Variants in ANO6 observed in about 807,000 individuals in gnomAD.
ANO6 encodes anoctamin-6.
ANO6 carries 106 observed loss-of-function variants against 117.5 expected under a neutral mutation model. The observed-to-expected ratio is 0.90, with a 90% CI of 0.77 to 1.06. The LOEUF (loss-of-function observed/expected upper bound fraction) is 1.06, where lower values mean the gene tolerates loss of function less well. ANO6 is among the 50% of genes least tolerant of loss of function. The pLI is 0.00. For synonymous variants in ANO6, 367 were observed against 385.1 expected, an observed-to-expected ratio of 0.95 and a Z score of 0.55; for missense variants, 955 against 1,121.1, an observed-to-expected ratio of 0.85 and a Z score of 2.12.
chr12:45,302,156 G>GA, intron 2 of ANO6, 63 bp downstream of exon 2: 1 of 1,468,934 alleles, frequency 6.8e-7, no homozygotes, highest in Non-Finnish European at 9.5e-7. Flanking sequence ...CACAAAATGA[G>GA]AAAAAAGTTC....
intron 13 of ANO6, 115 bp downstream of exon 13, chr12:45,402,135 T>A (rs1854259040): frequency 2.3e-6 from 2 of 875,582 alleles, no homozygotes; most frequent in African/African-American, 3.4e-5. Flanking sequence ...TTTAGAAATT[T>A]TCAAGTGTAA....
At chr12:45,368,853 C>A (rs914375736) in intron 9 of ANO6, among the ~76,000 whole-genome samples, 1 of 152,128 alleles carries the variant, frequency 6.6e-6, no homozygotes, top group African/African-American at 2.4e-5. Context: ...CTTATACTTA[C>A]CACTTTTGAC....
intron 2 of ANO6, among the ~76,000 whole-genome samples, chr12:45,304,057 G>A (rs1049931402): frequency 1.3e-5 from 2 of 152,118 alleles, no homozygotes; most frequent in Non-Finnish European, 2.9e-5. Context: ...CTTGTGCTTC[G>A]TAGATTTTCA....
At position 45,216,305 on chromosome 12, in the gene ANO6, C is replaced by T. The variant is rs1473793043; in HGVS notation, c.-17C>T. 6.2e-7 allele frequency: 1 copy of T among 1,601,236 alleles called. No homozygotes were observed. Among genetic ancestry groups the T allele is most frequent in the South Asian group, 1.1e-5 (1 of 88,906 alleles). Reference sequence around the variant, plus strand: ...CCCAACTTCGCGCCAAGTTCGGAGCCGCCTTCTGAGGGAGACATGAAAAAG... The same window carrying T: ...CCCAACTTCGCGCCAAGTTCGGAGCTGCCTTCTGAGGGAGACATGAAAAAG... On this transcript the variant is annotated 5_prime_UTR_variant, in exon 1 of 20. Coordinates refer to ENST00000320560, the MANE Select transcript of ANO6 (RefSeq NM_001025356.3).
chr12:45,336,124 T>C (rs1029772972), intron 3 of ANO6, among the ~76,000 whole-genome samples: 6 of 152,034 alleles, frequency 3.9e-5, no homozygotes, highest in African/African-American at 1.4e-4. Flanking sequence ...ACATTTTTGA[T>C]AGATTTCTTT....
intron 2 of ANO6, among the ~76,000 whole-genome samples, chr12:45,322,901 T>A (rs1158179809): frequency 2.0e-5 from 3 of 152,170 alleles, no homozygotes; most frequent in Admixed American, 6.6e-5. Flanking sequence ...ATCAGAATGC[T>A]TCCTTTTTTC....
chr12:45,277,417 G>C (rs899717942), intron 1 of ANO6, among the ~76,000 whole-genome samples: 1 of 152,062 alleles, frequency 6.6e-6, no homozygotes. Flanking sequence ...TTCATCCTTT[G>C]GGGGAGATTC....
At chr12:45,233,421 T>C (rs1267640942) in intron 1 of ANO6, among the ~76,000 whole-genome samples, 1 of 152,198 alleles carries the variant, frequency 6.6e-6, no homozygotes, top group Non-Finnish European at 1.5e-5. Flanking sequence ...CTGTGACTTA[T>C]TTTTCTGTGT....
chr12:45,331,481 C>T (rs2137401270), intron 3 of ANO6, 58 bp downstream of exon 3: 2 of 1,464,666 alleles, frequency 1.4e-6, no homozygotes, highest in Non-Finnish European at 1.9e-6. Flanking sequence ...CATGAAAAAA[C>T]TGCTATTTTG....
Position 45,367,787 on chromosome 12 carries a change from C to A in ANO6, c.1098C>A (p.Ser366=), listed in dbSNP as rs1353053446. The A allele has an allele frequency of 1.2e-6, 2 of 1,612,670 alleles. No homozygotes were observed. The highest frequency in any genetic ancestry group is 3.3e-5 in the Admixed American group (2 of 59,992). ...PFWKLNITCE[S]SKKLCIFDSF... ...GGAAACTCAATATTACTTGCGAGTC[C>A]TCAAAGGTAATTTTTGCTATTGCCA... Residue 366 remains serine, a synonymous_variant, in exon 9 of 20, where the codon TCC becomes TCA. Coordinates refer to ENST00000320560, the MANE Select transcript of ANO6 (RefSeq NM_001025356.3).
chr12:45,249,505 A>G (rs1233709033), intron 1 of ANO6, among the ~76,000 whole-genome samples: 8 of 152,182 alleles, frequency 5.3e-5, no homozygotes, highest in Admixed American at 5.2e-4. Flanking sequence ...AGGTGCTGTC[A>G]TGCATTTGAA....
At chr12:45,315,594 C>T (rs1360090082) in intron 2 of ANO6, among the ~76,000 whole-genome samples, 1 of 152,090 alleles carries the variant, frequency 6.6e-6, no homozygotes, top group Non-Finnish European at 1.5e-5. Context: ...CACTCTCCTC[C>T]TCACACTCAC....
At chr12:45,220,011 C>T (rs1221385899) in intron 1 of ANO6, among the ~76,000 whole-genome samples, 1 of 152,176 alleles carries the variant, frequency 6.6e-6, no homozygotes, top group East Asian at 1.9e-4. Flanking sequence ...CTGCTTTTCG[C>T]CCCCTCATCA....
intron 10 of ANO6, among the ~76,000 whole-genome samples, chr12:45,380,154 C>G (rs949905230): frequency 2.6e-5 from 4 of 152,162 alleles, no homozygotes; most frequent in African/African-American, 9.7e-5. Context: ...AAATCATATA[C>G]GTACCTTAAA....
intron 1 of ANO6, among the ~76,000 whole-genome samples, chr12:45,285,518 C>T (rs116363962): frequency 5.9e-5 from 9 of 152,052 alleles, no homozygotes; most frequent in South Asian, 4.1e-4. Context: ...CTGAGGCAGG[C>T]GAATCACAGG....
intron 1 of ANO6, among the ~76,000 whole-genome samples, chr12:45,283,825 C>T (rs1438098476): frequency 6.6e-6 from 1 of 152,164 alleles, no homozygotes; most frequent in Non-Finnish European, 1.5e-5. Context: ...TGTTTATCCC[C>T]ACTACCACCA....
At chr12:45,235,471 C>T (rs1464060210) in intron 1 of ANO6, among the ~76,000 whole-genome samples, 1 of 152,132 alleles carries the variant, frequency 6.6e-6, no homozygotes, top group African/African-American at 2.4e-5. Context: ...TGTGGGAAAA[C>T]CACCTCCTGG....
chr12:45,259,523 G>A (rs1937950396), intron 1 of ANO6, among the ~76,000 whole-genome samples: 1 of 152,214 alleles, frequency 6.6e-6, no homozygotes, highest in South Asian at 2.1e-4. Flanking sequence ...AATTGGCAGG[G>A]ATGCCCCTGG....
intron 17 of ANO6, among the ~76,000 whole-genome samples, chr12:45,419,937 A>C (rs912357332): frequency 6.6e-6 from 1 of 151,602 alleles, no homozygotes; most frequent in African/African-American, 2.4e-5. Context: ...TTGTTGTTCA[A>C]CTTATAATTT....
Sources: gnomAD v4.1 joint callset for allele counts (sites outside exome capture counted in the v4.1 genomes callset) on GRCh38, gnomAD v4.1.1 for gene constraint, MANE v1.5 for transcripts, NCBI Gene and HGNC (gene_info 2026-07-23, HGNC 2026-07-21) for gene names.